The following ATG4C variants were observed in gnomAD, a reference collection of about 807,000 sequenced individuals.
The protein encoded by ATG4C is cysteine protease ATG4C.
A neutral mutation model predicts 57.6 loss-of-function variants in ATG4C; 56 were observed. The ratio of observed to expected loss-of-function variants is 0.97; its 90% CI spans 0.78 to 1.21. The LOEUF (loss-of-function observed/expected upper bound fraction) is 1.21. Among genes scored for constraint, ATG4C ranks in the 50% most tolerant of loss-of-function variants. The pLI, the probability that ATG4C is intolerant of heterozygous loss-of-function variation, is 0.00. For missense variants in ATG4C, 595 were observed against 529.8 expected (o/e 1.12, Z -1.21); for synonymous variants, 157 against 174.1 (o/e 0.90, Z 0.78).
chr1:62,830,935 A>G (rs1023471863), intron 7 of ATG4C, among the ~76,000 whole-genome samples: 4 of 152,166 alleles, frequency 2.6e-5, no homozygotes, highest in South Asian at 4.1e-4. Context: ...TAGGAACTGG[A>G]TTGTCTTTAT....
In ATG4C at chr1:62,834,083, C is replaced by A; in HGVS notation, c.979C>A (p.Pro327Thr). ...TTGTGTGGGTATTATTGGTGGCAAA[C>A]CTAAACAGTCATATTACTTTGCTGG... ...EYCVGIIGGK[P>T]KQSYYFAGFQ... The change falls in exon 8 of 11, where the codon CCT becomes ACT. Residue 327 changes from proline (P) to threonine (T), a missense_variant. Physicochemically the swap from Pro to Thr is conservative, Grantham distance 38 (BLOSUM62 -1). Transcript: ENST00000317868. 6.2e-7 allele frequency: 1 copy of A among 1,612,532 alleles called. No individual in the cohort carries two copies. Among genetic ancestry groups the A allele is most frequent in the Non-Finnish European group, 8.5e-7 (1 of 1,179,178 alleles).
chr1:62,862,083 GTTAAT>G (rs1456645071), intron 10 of ATG4C, among the ~76,000 whole-genome samples: 1 of 152,096 alleles, frequency 6.6e-6, no homozygotes, highest in Non-Finnish European at 1.5e-5. Flanking sequence ...TTAATATATT[GTTAAT>G]TTGATACTCT....
intron 8 of ATG4C, 69 bp from the exon 9 acceptor site, chr1:62,834,707 A>C: frequency 2.3e-6 from 3 of 1,297,564 alleles, no homozygotes; most frequent in Non-Finnish European, 2.2e-6. Flanking sequence ...TCTACATAGA[A>C]ATTGGATTGT....
intron 10 of ATG4C, among the ~76,000 whole-genome samples, chr1:62,850,897 T>TAC (rs1666500223): frequency 4.7e-5 from 3 of 64,324 alleles, no homozygotes; most frequent in Non-Finnish European, 8.7e-5. Context: ...TATATATATA[T>TAC]ATATACATAC....
rs952787154 is a variant in ATG4C at position 62,791,820 on chromosome 1, C to T, written c.-69+7547C>T. Among the ~76,000 whole-genome samples, 12 of 152,176 alleles carry T rather than the reference C, an allele frequency of 7.9e-5. 1 individual carries two copies. Among genetic ancestry groups the T allele is most frequent in the Non-Finnish European group, 1.8e-4 (12 of 68,038 alleles). ...TATCTTAAACTGAATTTCCTATCTTCACCTTAGTCTTCTCTACTTGGGTTC... is the reference window on the plus strand; with the variant it reads ...TATCTTAAACTGAATTTCCTATCTTTACCTTAGTCTTCTCTACTTGGGTTC... On this transcript the variant is annotated intron_variant, in intron 1 of 10. Transcript: ENST00000317868.
At position 62,841,464 on chromosome 1, in the gene ATG4C, C is replaced by A. The variant is rs41305874; in HGVS notation, c.1126C>A (p.Arg376=). The A allele has an allele frequency of 6.2e-7, 1 of 1,607,222 alleles. No individual in the cohort carries two copies. The highest frequency in any genetic ancestry group is 2.2e-5 in the East Asian group (1 of 44,542). The change falls in exon 10 of 11, where the codon CGA becomes AGA. Residue 376 remains arginine (R), a synonymous_variant. Transcript: ENST00000317868. ...CCCTTCTCCCAAAAAGATGTCTTTT[C>A]GAAAAATGGATCCCAGCTGTACAAT... ...HCPSPKKMSF[R]KMDPSCTIGF...
intron 10 of ATG4C, among the ~76,000 whole-genome samples, chr1:62,861,737 T>C (rs1322807830): frequency 6.6e-6 from 1 of 152,162 alleles, no homozygotes; most frequent in Non-Finnish European, 1.5e-5. Flanking sequence ...TTAACATAAT[T>C]GAAACTAAAT....
At chr1:62,784,882 T>G (rs1335985659) in intron 1 of ATG4C, among the ~76,000 whole-genome samples, 2 of 152,226 alleles carry the variant, frequency 1.3e-5, no homozygotes, top group African/African-American at 4.8e-5. Context: ...GTAGAATAAA[T>G]TCTTACATAT....
chr1:62,790,413 C>G (rs959755573), intron 1 of ATG4C, among the ~76,000 whole-genome samples: 2 of 152,172 alleles, frequency 1.3e-5, no homozygotes, highest in East Asian at 1.9e-4. Flanking sequence ...TTTGGAATTA[C>G]TAGACTGACT....
chr1:62,817,427 C>T (rs1038850188), intron 4 of ATG4C, among the ~76,000 whole-genome samples: 1 of 152,146 alleles, frequency 6.6e-6, no homozygotes, highest in African/African-American at 2.4e-5. Flanking sequence ...CTCATTGCAA[C>T]TTCGAACTCC....
intron 3 of ATG4C, 104 bp from the exon 4 acceptor site, chr1:62,816,471 G>T: frequency 1.3e-6 from 1 of 744,700 alleles, no homozygotes; most frequent in Non-Finnish European, 2.0e-6. Flanking sequence ...AAAAAGGATT[G>T]GAAAGATTGT....
At chr1:62,823,454 C>T (rs1665549299) in intron 6 of ATG4C, among the ~76,000 whole-genome samples, 1 of 152,170 alleles carries the variant, frequency 6.6e-6, no homozygotes, top group Admixed American at 6.5e-5. Context: ...TCTGTTCTCT[C>T]ATCTTCATTC....
chr1:62,803,183 A>G (rs1473562284), intron 1 of ATG4C, among the ~76,000 whole-genome samples: 1 of 152,204 alleles, frequency 6.6e-6, no homozygotes, highest in Non-Finnish European at 1.5e-5. Flanking sequence ...GTGCTGCAGT[A>G]TGGAGATAGG....
chr1:62,863,352 A>T (rs1451759436), intron 10 of ATG4C, among the ~76,000 whole-genome samples: 2 of 152,044 alleles, frequency 1.3e-5, no homozygotes, highest in African/African-American at 4.8e-5. Context: ...GAAAAGACCA[A>T]AGTTATTTTT....
At chr1:62,858,610 A>C (rs745678454) in intron 10 of ATG4C, among the ~76,000 whole-genome samples, 41 of 152,222 alleles carry the variant, frequency 2.7e-4, no homozygotes, top group Non-Finnish European at 4.4e-4. Flanking sequence ...GAGATAGAGA[A>C]GAAATCGTTC....
intron 3 of ATG4C, among the ~76,000 whole-genome samples, chr1:62,812,878 C>T (rs143438747): frequency 0.039 from 5,962 of 152,064 alleles, 184 homozygotes; most frequent in Non-Finnish European, 0.061. Context: ...ACAATTGCCA[C>T]GAAGAGAATA....
chr1:62,806,330 A>G (rs992502074), intron 3 of ATG4C, among the ~76,000 whole-genome samples: 1 of 152,068 alleles, frequency 6.6e-6, no homozygotes, highest in Non-Finnish European at 1.5e-5. Flanking sequence ...TTACAGAGGA[A>G]GATCTTGAGT....
chr1:62,790,162 C>T (rs1387708113), intron 1 of ATG4C, among the ~76,000 whole-genome samples: 2 of 152,216 alleles, frequency 1.3e-5, no homozygotes, highest in East Asian at 3.9e-4. Context: ...AATCCACCCG[C>T]CTCGGCCTCC....
At chr1:62,801,404 G>A (rs746936896) in intron 1 of ATG4C, among the ~76,000 whole-genome samples, 1 of 152,182 alleles carries the variant, frequency 6.6e-6, no homozygotes, top group African/African-American at 2.4e-5. Flanking sequence ...AAGAGAACAG[G>A]TATTTCATTG....
Sources: gnomAD v4.1 joint callset for allele counts (sites outside exome capture counted in the v4.1 genomes callset) on GRCh38, gnomAD v4.1.1 for gene constraint, MANE v1.5 for transcripts, NCBI Gene and HGNC (gene_info 2026-07-23, HGNC 2026-07-21) for gene names.